The following EBF2 variants were observed in gnomAD, a reference collection of about 807,000 sequenced individuals.
EBF2 encodes the protein EBF transcription factor 2.
EBF2 carries 21 observed loss-of-function variants against 72.8 expected under a neutral mutation model. The observed-to-expected ratio is 0.29, with a 90% confidence interval of 0.20 to 0.42. The LOEUF (loss-of-function observed/expected upper bound fraction) is 0.42. Ranked by LOEUF, EBF2 falls within the 10% of genes least tolerant of loss-of-function variation. The pLI is 1.00. For synonymous variants in EBF2, 299 were observed against 274.2 expected, an observed-to-expected ratio of 1.09 and a Z score of -0.89; for missense variants, 637 against 731.2, an observed-to-expected ratio of 0.87 and a Z score of 1.49.
In EBF2 at chr8:26,044,631, G is replaced by A. The variant is rs1805670502; in HGVS notation, c.131+98C>T. 1 of 1,510,414 alleles carries A rather than the reference G, an allele frequency of 6.6e-7. No homozygotes were observed. Among genetic ancestry groups the A allele is most frequent in the Non-Finnish European group, 8.9e-7 (1 of 1,117,374 alleles). 93.6% of individuals were successfully genotyped at this position (1,510,414 alleles called of 1,614,324 possible). ...GCCTGGGCGACAGATGGGGGGACAG[G>A]GAGAGAGAAAGGCACGGGGTGCGCG... On this transcript the variant is annotated intron_variant, in intron 1 of 15. Transcript: ENST00000520164. The surrounding 1 kb of genome is among the most constrained non-coding windows in gnomAD (Gnocchi z 4.1).
At chr8:26,030,429 G>A (rs947443523) in intron 6 of EBF2, among the ~76,000 whole-genome samples, 4 of 151,852 alleles carry the variant, frequency 2.6e-5, no homozygotes, top group African/African-American at 7.3e-5. Flanking sequence ...CTGTTGTGGG[G>A]TGGGGGAAGG....
chr8:25,908,643 G>A, intron 6 of EBF2, 88 bp from the exon 7 acceptor site: 3 of 897,222 alleles, frequency 3.3e-6, no homozygotes, highest in East Asian at 2.6e-5. Flanking sequence ...TGATTTGACA[G>A]CGATTCTATT....
intron 6 of EBF2, among the ~76,000 whole-genome samples, chr8:25,992,186 G>A (rs1196962239): frequency 6.6e-6 from 1 of 151,536 alleles, no homozygotes; most frequent in Admixed American, 6.6e-5. Flanking sequence ...TAAAAATACA[G>A]AAAATTAGCT....
At chr8:25,880,912 T>C (rs1414029388) in intron 10 of EBF2, among the ~76,000 whole-genome samples, 2 of 152,184 alleles carry the variant, frequency 1.3e-5, no homozygotes, top group South Asian at 2.1e-4. Flanking sequence ...CTTTCTAAAC[T>C]ATACCCACCC....
chr8:25,900,872 A>G (rs1399792698), intron 7 of EBF2, among the ~76,000 whole-genome samples: 1 of 152,202 alleles, frequency 6.6e-6, no homozygotes, highest in Non-Finnish European at 1.5e-5. Context: ...ATGGGTACAA[A>G]CATACAGTTA....
chr8:26,041,076 C>T, intron 2 of EBF2, 74 bp from the exon 3 acceptor site: 2 of 1,524,608 alleles, frequency 1.3e-6, no homozygotes, highest in Non-Finnish European at 1.8e-6. Context: ...GACAGTGAAT[C>T]CCCACCTCAC....
chr8:25,861,758 T>C (rs1290318313), intron 11 of EBF2, among the ~76,000 whole-genome samples: 1 of 152,268 alleles, frequency 6.6e-6, no homozygotes, highest in Non-Finnish European at 1.5e-5. Context: ...TTGATGGATT[T>C]GAGTTTAGCT....
intron 10 of EBF2, among the ~76,000 whole-genome samples, chr8:25,880,442 T>A (rs564107254): frequency 6.6e-6 from 1 of 152,362 alleles, no homozygotes; most frequent in Non-Finnish European, 1.5e-5. Context: ...TAACTTTTTC[T>A]TTTAATGCCT....
chr8:25,882,219 C>A (rs1802615097), intron 10 of EBF2, among the ~76,000 whole-genome samples: 1 of 152,184 alleles, frequency 6.6e-6, no homozygotes, highest in East Asian at 1.9e-4. Flanking sequence ...CACAGCCTGC[C>A]CGTCTGCATG....
At chr8:26,040,445 A>G (rs1490307264) in intron 4 of EBF2, among the ~76,000 whole-genome samples, 171 bp downstream of exon 4, 2 of 151,286 alleles carry the variant, frequency 1.3e-5, no homozygotes, top group Non-Finnish European at 2.9e-5. Flanking sequence ...CAGGGAAGAA[A>G]AAAAAAAAAA....
intron 6 of EBF2, among the ~76,000 whole-genome samples, chr8:25,952,513 T>C (rs1037415597): frequency 1.3e-5 from 2 of 152,146 alleles, no homozygotes; most frequent in African/African-American, 4.8e-5. Context: ...ACTCACCCTG[T>C]CTACATGGGG....
intron 6 of EBF2, among the ~76,000 whole-genome samples, chr8:25,978,080 A>C (rs913178946): frequency 1.3e-5 from 2 of 152,152 alleles, no homozygotes; most frequent in African/African-American, 2.4e-5. Context: ...CCCAGAGGCC[A>C]TCAGTAGCTC....
At chr8:25,975,721 G>A (rs571555796) in intron 6 of EBF2, among the ~76,000 whole-genome samples, 5 of 152,154 alleles carry the variant, frequency 3.3e-5, no homozygotes, top group African/African-American at 1.2e-4. Flanking sequence ...ATGTTCCCAA[G>A]CAACATTTTA....
At chr8:26,032,069 T>C in intron 6 of EBF2, 1 of 152,188 alleles carries the variant, frequency 6.6e-6, no homozygotes, top group East Asian at 1.9e-4. Context: ...TTCAGTAGCC[T>C]CTTGAAGCCT....
Position 25,991,274 on chromosome 8 carries a change from G to T in EBF2, c.551+41811C>A, listed in dbSNP as rs148954902. ...GGAATAAATGAAGGCACGTAGGTGG[G>T]GGTTCATTTGGCAAAAGCCAAGGAG... is the stretch of plus-strand genomic sequence containing the variant. On this transcript the variant is annotated intron_variant, in intron 6 of 15. Coordinates refer to ENST00000520164, the MANE Select transcript of EBF2 (RefSeq NM_022659.4). Among the ~76,000 whole-genome samples, 441 of 152,288 alleles carry T rather than the reference G, an allele frequency of 2.9e-3. 1 individual carries two copies. The highest frequency in any genetic ancestry group is 9.4e-3 in the African/African-American group (391 of 41,562).
At chr8:25,875,230 T>A (rs774878141) in intron 10 of EBF2, among the ~76,000 whole-genome samples, 14 of 152,240 alleles carry the variant, frequency 9.2e-5, no homozygotes, top group Non-Finnish European at 1.9e-4. Flanking sequence ...GCATGTATCC[T>A]CCCACCAGAT....
At chr8:25,967,217 T>A (rs1415780299) in intron 6 of EBF2, among the ~76,000 whole-genome samples, 2 of 152,220 alleles carry the variant, frequency 1.3e-5, no homozygotes, top group Non-Finnish European at 2.9e-5. Flanking sequence ...AAACCATTGC[T>A]AAGAACAGAG....
At chr8:25,883,713 T>C (rs1802641093) in intron 10 of EBF2, among the ~76,000 whole-genome samples, 1 of 152,112 alleles carries the variant, frequency 6.6e-6, no homozygotes, top group Non-Finnish European at 1.5e-5. Context: ...TTTACTTCAA[T>C]AGAGAGTTCA....
intron 6 of EBF2, among the ~76,000 whole-genome samples, chr8:25,949,506 C>T (rs1803823564): frequency 6.6e-6 from 1 of 152,104 alleles, no homozygotes; most frequent in South Asian, 2.1e-4. Context: ...GATAAAACAT[C>T]CTTTCTACCA....
Sources: allele counts gnomAD v4.1 joint callset (sites outside exome capture counted in the v4.1 genomes callset), GRCh38; gene constraint gnomAD v4.1.1; non-coding constraint Gnocchi (gnomAD v3.1); transcripts MANE v1.5; gene names NCBI Gene and HGNC (gene_info 2026-07-23, HGNC 2026-07-21).